Variants in GAPVD1 observed in about 807,000 individuals in gnomAD.
GAPVD1 encodes the protein GTPase activating protein and VPS9 domains 1.
GAPVD1 carries 35 observed loss-of-function variants against 155.5 expected under a neutral mutation model. The observed-to-expected ratio is 0.23, with a 90% CI of 0.17 to 0.30. The LOEUF (loss-of-function observed/expected upper bound fraction) is 0.30. GAPVD1 is among the 10% of genes least tolerant of loss of function. The pLI is 1.00. For synonymous variants in GAPVD1, 636 were observed against 619.7 expected (o/e 1.03, Z -0.39); for missense variants, 1,429 against 1,775.7 (o/e 0.80, Z 3.51).
At chr9:125,325,519 C>CAAAA (rs34510251) in intron 11 of GAPVD1, among the ~76,000 whole-genome samples, 14 of 93,174 alleles carry the variant, frequency 1.5e-4, no homozygotes, top group South Asian at 4.1e-4. Context: ...GACTCCATCT[C>CAAAA]AAAAAAAAAA....
At position 125,355,725 on chromosome 9, in the gene GAPVD1, A is replaced by G; in HGVS notation, c.3839A>G (p.Gln1280Arg). 6.2e-7 allele frequency: 1 copy of G among 1,613,324 alleles called. No individual in the cohort carries two copies. The highest frequency in any genetic ancestry group is 8.5e-7 in the Non-Finnish European group (1 of 1,179,202). ...CAGTTTCTTTATGGTGCAATGGCCCAGGATGTCATATGGCAAAACGCGAGT... is the reference window on the plus strand; with the variant it reads ...CAGTTTCTTTATGGTGCAATGGCCCGGGATGTCATATGGCAAAACGCGAGT... Reference protein sequence around the residue: ...FLQFLYGAMAQDVIWQNASEE... With the variant: ...FLQFLYGAMARDVIWQNASEE... Residue 1280 changes from glutamine to arginine, a missense_variant, in exon 25 of 28, where the codon CAG (glutamine) becomes CGG (arginine). Coordinates refer to ENST00000297933, the MANE Select transcript of GAPVD1 (RefSeq NM_001282680.3).
At chr9:125,284,180 C>CT (rs34335675) in intron 2 of GAPVD1, among the ~76,000 whole-genome samples, 43,437 of 92,622 alleles carry the variant, frequency 0.47, 11,614 homozygotes, top group African/African-American at 0.55. Flanking sequence ...CCCGCCAGAA[C>CT]TTTTTTTTTT....
chr9:125,309,630 C>T (rs781735589), intron 8 of GAPVD1, among the ~76,000 whole-genome samples: 2 of 152,092 alleles, frequency 1.3e-5, no homozygotes, highest in East Asian at 1.9e-4. Context: ...CCACCGTGCC[C>T]GGGCACTTAA....
chr9:125,325,382 C>T (rs1844977567), intron 11 of GAPVD1, among the ~76,000 whole-genome samples: 1 of 150,626 alleles, frequency 6.6e-6, no homozygotes, highest in Admixed American at 6.6e-5. Context: ...ATTAGCTGGG[C>T]ATGGTGGCAG....
intron 2 of GAPVD1, among the ~76,000 whole-genome samples, chr9:125,284,180 CTTTTTTTTTTT>C (rs34335675): frequency 1.1e-5 from 1 of 92,620 alleles, no homozygotes; most frequent in Non-Finnish European, 2.0e-5. Flanking sequence ...CCCGCCAGAA[CTTTTTTTTTTT>C]TTTTTTTTTT....
chr9:125,310,903 G>A (rs563710029), intron 8 of GAPVD1, among the ~76,000 whole-genome samples: 2 of 150,364 alleles, frequency 1.3e-5, no homozygotes, highest in South Asian at 2.1e-4. Context: ...GCAATACTGC[G>A]ATCTCGGCTC....
At chr9:125,351,804 G>A (rs563313344) in intron 23 of GAPVD1, among the ~76,000 whole-genome samples, 6 of 151,542 alleles carry the variant, frequency 4.0e-5, no homozygotes, top group South Asian at 4.2e-4. Context: ...GCAATGGTGC[G>A]ATCTTGGCTC....
At chr9:125,280,396 C>CAAAAAAAAAAAAAAAAAAA (rs750354567) in intron 2 of GAPVD1, among the ~76,000 whole-genome samples, 2 of 57,336 alleles carry the variant, frequency 3.5e-5, no homozygotes, top group Non-Finnish European at 6.3e-5. Context: ...AAGTCCATCT[C>CAAAAAAAAAAAAAAAAAAA]AAAAAAAAAA....
intron 8 of GAPVD1, chr9:125,308,347 CAA>C (rs5900650): frequency 2.3e-4 from 31 of 133,720 alleles, no homozygotes; most frequent in East Asian, 8.6e-4. Flanking sequence ...GACCCTATCT[CAA>C]AAAAAAAAAA....
rs1026437610 is a variant in GAPVD1, at chr9:125,365,765, G to C, written c.*3019G>C. The C allele has an allele frequency of 2.6e-5, 4 of 152,160 alleles. No individual in the cohort carries two copies. Among genetic ancestry groups the C allele is most frequent in the South Asian group, 2.1e-4 (1 of 4,812 alleles). 9.4% of individuals were successfully genotyped at this position (152,160 alleles called of 1,614,324 possible). A position where few individuals can be genotyped will look rare whatever the true frequency, so the allele number is the denominator to read the frequency against. ...GTGATTCTCATGGCTCAGCCTCCCT[G>C]GTTGCTCAGATTACAAGTGTATGCC... is the stretch of plus-strand genomic sequence containing the variant. On this transcript the variant is annotated 3_prime_UTR_variant, in exon 28 of 28. Coordinates refer to ENST00000297933, the MANE Select transcript of GAPVD1 (RefSeq NM_001282680.3).
Position 125,321,593 on chromosome 9 carries a change from T to A in GAPVD1, c.1732+31T>A, listed in dbSNP as rs1379479852. On this transcript the variant is annotated intron_variant, in intron 10 of 27. Coordinates refer to ENST00000297933, the MANE Select transcript of GAPVD1 (RefSeq NM_001282680.3). ...GGGTTACTTCATTCAAGGAGTTGTG[T>A]GGTTCAATTAATAGTTTGTTTTGTG... The A allele has an allele frequency of 3.1e-6, 5 of 1,594,376 alleles. No homozygotes were observed. The African/African-American group carries it at 5.4e-5, about 17-fold the overall frequency.
rs34335675 is a variant in GAPVD1, at chr9:125,284,180, C to CTTT, written c.-149-11259_-149-11257dup. Among the ~76,000 whole-genome samples, 130 of 92,610 alleles carry CTTT rather than the reference C, an allele frequency of 1.4e-3. 5 individuals are homozygous for CTTT. The highest frequency in any genetic ancestry group is 4.2e-3 in the African/African-American group (90 of 21,604). The allele number at this position is 92,610 out of a possible 152,430, so 60.8% of individuals were successfully genotyped here. On this transcript the variant is annotated intron_variant, in intron 2 of 27. Transcript: ENST00000297933. Reference sequence around the variant, plus strand: ...CGTGAGTCACTGAGCCCCGCCAGAACTTTTTTTTTTTTTTTTTTTTTGAGA... The same window carrying CTTT: ...CGTGAGTCACTGAGCCCCGCCAGAACTTTTTTTTTTTTTTTTTTTTTTTTGAGA...
intron 23 of GAPVD1, among the ~76,000 whole-genome samples, chr9:125,353,144 C>G (rs1332313176): frequency 6.6e-6 from 1 of 152,020 alleles, no homozygotes; most frequent in Non-Finnish European, 1.5e-5. Context: ...TAATAGCACC[C>G]AAGTCACCTC....
intron 23 of GAPVD1, among the ~76,000 whole-genome samples, chr9:125,352,379 G>A (rs1485254123): frequency 3.9e-4 from 59 of 152,226 alleles, no homozygotes; most frequent in Admixed American, 3.7e-3. Context: ...CTAGGTGGAG[G>A]TTCCCAAACC....
In GAPVD1 at chr9:125,362,784, C is replaced by T. The variant is rs1434167325; in HGVS notation, c.*38C>T. ...CCCACCAAGGCAGCAGACTGTTAAT[C>T]AGACAAACAGATCTCTGAGAAGGTG... On this transcript the variant is annotated 3_prime_UTR_variant, in exon 28 of 28. Coordinates refer to ENST00000297933, the MANE Select transcript of GAPVD1 (RefSeq NM_001282680.3). 1 of 1,592,128 alleles carries T rather than the reference C, an allele frequency of 6.3e-7. No homozygotes were observed. Among genetic ancestry groups the T allele is most frequent in the Non-Finnish European group, 8.6e-7 (1 of 1,165,742 alleles).
intron 10 of GAPVD1, 45 bp from the exon 11 acceptor site, chr9:125,323,746 GTGGCTCA>G (rs1844735410): frequency 6.3e-7 from 1 of 1,594,540 alleles, no homozygotes; most frequent in African/African-American, 1.3e-5. Flanking sequence ...AAATTGTGTG[GTGGCTCA>G]TGACTGTTTT....
chr9:125,271,898 A>G (rs1405607745), intron 2 of GAPVD1, among the ~76,000 whole-genome samples: 1 of 152,120 alleles, frequency 6.6e-6, no homozygotes, highest in Non-Finnish European at 1.5e-5. Flanking sequence ...ATTTATATTT[A>G]CTTACTTCCA....
Position 125,366,767 on chromosome 9 carries a change from C to G in GAPVD1, c.*4021C>G, listed in dbSNP as rs1851490100. On this transcript the variant is annotated 3_prime_UTR_variant, in exon 28 of 28. Transcript: ENST00000297933. ...GAATGTAGGTTAGAAAGTAGTAGGA[C>G]AAGGAATAGCTTTATTACTCTTGAG... 1 of 152,152 alleles carries G rather than the reference C, an allele frequency of 6.6e-6. No homozygotes were observed. Among genetic ancestry groups the G allele is most frequent in the African/African-American group, 2.4e-5 (1 of 41,432 alleles). The allele number at this position is 152,152 out of a possible 1,614,324, so 9.4% of individuals were successfully genotyped here.
chr9:125,350,917 G>A, intron 23 of GAPVD1, 45 bp downstream of exon 23: 2 of 1,442,928 alleles, frequency 1.4e-6, no homozygotes, highest in East Asian at 2.3e-5. Context: ...GTTGTTAGCT[G>A]CAAGTGTTTT....
Sources: gnomAD v4.1 joint callset for allele counts (sites outside exome capture counted in the v4.1 genomes callset) on GRCh38, gnomAD v4.1.1 for gene constraint, MANE v1.5 for transcripts, NCBI Gene and HGNC (gene_info 2026-07-23, HGNC 2026-07-21) for gene names.